The following CLIP1 variants were observed in gnomAD, a reference collection of about 807,000 sequenced individuals.
CLIP1 encodes CAP-Gly domain containing linker protein 1.
In CLIP1, 66 loss-of-function variants were observed where a neutral mutation model predicts 161.6. That is an observed-to-expected ratio of 0.41 (90% CI 0.33 to 0.50). The LOEUF is 0.50. Among genes scored for constraint, CLIP1 ranks in the 20% least tolerant of loss-of-function variants. CLIP1 has a pLI of 0.27. For synonymous variants in CLIP1, 598 were observed against 626.2 expected (o/e 0.96, Z 0.67); for missense variants, 1,376 against 1,702.0 (o/e 0.81, Z 3.37).
At chr12:122,421,646 T>C (rs1434061736) in intron 1 of CLIP1, among the ~76,000 whole-genome samples, 1 of 152,154 alleles carries the variant, frequency 6.6e-6, no homozygotes, top group Non-Finnish European at 1.5e-5. Context: ...CAACGTGTAA[T>C]TTCTTCATAC....
At chr12:122,316,459 C>T (rs1265680370) in intron 19 of CLIP1, among the ~76,000 whole-genome samples, 3 of 152,150 alleles carry the variant, frequency 2.0e-5, no homozygotes, top group African/African-American at 4.8e-5. Flanking sequence ...ATCTACCCAC[C>T]TCAGCCTCCC....
chr12:122,420,179 T>TA (rs1396730990), intron 1 of CLIP1, among the ~76,000 whole-genome samples: 2 of 151,062 alleles, frequency 1.3e-5, no homozygotes, highest in African/African-American at 4.9e-5. Flanking sequence ...CCATCTCTAC[T>TA]AAAAAAATAC....
At chr12:122,384,973 G>T (rs1439249065) in intron 1 of CLIP1, among the ~76,000 whole-genome samples, 1 of 145,980 alleles carries the variant, frequency 6.9e-6, no homozygotes, top group Admixed American at 6.9e-5. Context: ...TCGCTCTGTC[G>T]CCAGTCTGGA....
intron 3 of CLIP1, chr12:122,364,824 T>G: frequency 9.6e-7 from 1 of 1,040,862 alleles, no homozygotes; most frequent in African/African-American, 1.6e-5. Flanking sequence ...CCGATATATG[T>G]TCTCTAGGCC....
chr12:122,366,708 G>A (rs562259374), intron 3 of CLIP1, among the ~76,000 whole-genome samples: 1 of 152,246 alleles, frequency 6.6e-6, no homozygotes, highest in East Asian at 1.9e-4. Flanking sequence ...GGATGCAGTG[G>A]CACATGCCTA....
intron 3 of CLIP1, among the ~76,000 whole-genome samples, chr12:122,367,547 T>G (rs1954230237): frequency 1.3e-5 from 2 of 152,236 alleles, no homozygotes; most frequent in Admixed American, 6.5e-5. Flanking sequence ...AAGTTAGGTT[T>G]TATTTCTCAT....
At chr12:122,419,229 G>A (rs925331253) in intron 1 of CLIP1, among the ~76,000 whole-genome samples, 2 of 152,000 alleles carry the variant, frequency 1.3e-5, no homozygotes, top group Non-Finnish European at 2.9e-5. Flanking sequence ...ACATTAGCCA[G>A]GCATGTGACA....
At chr12:122,301,983 A>G (rs1321757648) in intron 20 of CLIP1, among the ~76,000 whole-genome samples, 1 of 152,168 alleles carries the variant, frequency 6.6e-6, no homozygotes, top group Non-Finnish European at 1.5e-5. Flanking sequence ...CCCTCAGAAC[A>G]GTGGATGTGG....
In CLIP1 at chr12:122,272,794, A is replaced by G; in HGVS notation, c.*81T>C. On this transcript the variant is annotated 3_prime_UTR_variant, in exon 26 of 26. Coordinates refer to ENST00000620786, the MANE Select transcript of CLIP1 (RefSeq NM_001247997.2). ...TAAAAAATAACATGAGTTCTCCTGA[A>G]GTCTGCACACACAATGCTGGTGTTA... 2 of 1,195,864 alleles carry G rather than the reference A, an allele frequency of 1.7e-6. No homozygotes were observed. The highest frequency in any genetic ancestry group is 3.5e-5 in the Admixed American group (2 of 57,546). 74.1% of individuals were successfully genotyped at this position (1,195,864 alleles called of 1,614,324 possible).
chr12:122,287,626 A>G (rs1344581186), intron 21 of CLIP1, among the ~76,000 whole-genome samples: 1 of 152,122 alleles, frequency 6.6e-6, no homozygotes, highest in African/African-American at 2.4e-5. Context: ...AAGAGCAAAG[A>G]CTTATCAGCT....
chr12:122,414,992 A>G (rs1956682359), intron 1 of CLIP1, among the ~76,000 whole-genome samples: 1 of 152,004 alleles, frequency 6.6e-6, no homozygotes, highest in Non-Finnish European at 1.5e-5. Context: ...CAGGAGGTGG[A>G]GGCTGCAGTG....
chr12:122,306,510 G>A (rs1478214414), intron 20 of CLIP1, among the ~76,000 whole-genome samples: 1 of 152,190 alleles, frequency 6.6e-6, no homozygotes, highest in East Asian at 1.9e-4. Flanking sequence ...CTCACTGTCT[G>A]TGGGAGAAGC....
chr12:122,352,870 C>A, intron 7 of CLIP1, 84 bp from the exon 8 acceptor site: 1 of 1,207,796 alleles, frequency 8.3e-7, no homozygotes, highest in Admixed American at 1.7e-5. Flanking sequence ...AACAAAAAAA[C>A]ACGTTGGGCA....
chr12:122,311,142 C>T lies in CLIP1; in HGVS notation c.3474-1260G>A, dbSNP rs576487295. On this transcript the variant is annotated intron_variant, in intron 19 of 25. Coordinates refer to ENST00000620786, the MANE Select transcript of CLIP1 (RefSeq NM_001247997.2). This position sits in a 1 kb window ranked among gnomAD's most constrained non-coding sequence, Gnocchi z 4.3. Reference sequence around the variant, plus strand: ...TATACATGCACATACACACATATCACAGTGAAAGTTCATCTGTCCAAAGTC... The same window carrying T: ...TATACATGCACATACACACATATCATAGTGAAAGTTCATCTGTCCAAAGTC... Among the ~76,000 whole-genome samples the T allele has an allele frequency of 1.1e-4, 17 of 152,252 alleles. No individual in the cohort carries two copies. Among genetic ancestry groups the T allele is most frequent in the Non-Finnish European group, 1.8e-4 (12 of 68,026 alleles).
rs761972338 is a variant in CLIP1 at position 122,288,489 on chromosome 12, CT to C, written c.3646del (p.Arg1216GlufsTer6). On this transcript the variant is annotated frameshift_variant and splice_region_variant, in exon 21 of 26. Coordinates refer to ENST00000620786, the MANE Select transcript of CLIP1 (RefSeq NM_001247997.2). LOFTEE classifies it high-confidence loss of function. ...ATACAACAATAAACAGAAAGCTTAC[CT>C]TTTTTTCATTTCTAACAACTGATTA... ...LNNQLLEMKK[R>X]ESKFIKDADE... 6.2e-7 allele frequency: 1 copy of C among 1,606,688 alleles called. No individual in the cohort carries two copies.
chr12:122,344,508 C>G lies in CLIP1; in HGVS notation c.1507-2811G>C, dbSNP rs1047354046. On this transcript the variant is annotated intron_variant, in intron 10 of 25. Coordinates refer to ENST00000620786, the MANE Select transcript of CLIP1 (RefSeq NM_001247997.2). ...GTCTGTAGCATAAATACATTAAACC[C>G]AATAGGGCAATGGTTCTTAGTTACA... Among the ~76,000 whole-genome samples, 9 of 151,088 alleles carry G rather than the reference C, an allele frequency of 6.0e-5. 1 individual carries two copies. The highest frequency in any genetic ancestry group is 1.2e-4 in the Non-Finnish European group (8 of 67,812).
chr12:122,365,497 G>A, intron 3 of CLIP1: 1 of 809,132 alleles, frequency 1.2e-6, no homozygotes, highest in Non-Finnish European at 2.2e-6. Flanking sequence ...ATCAGAAAAA[G>A]AAAGAAGCCA....
At chr12:122,378,055 G>A (rs1354250956) in intron 2 of CLIP1, 95 bp from the exon 3 acceptor site, 2 of 1,074,602 alleles carry the variant, frequency 1.9e-6, no homozygotes, top group East Asian at 2.4e-5. Flanking sequence ...GCCCACAGGA[G>A]TAGCCCAGAA....
At chr12:122,416,155 T>C (rs977392643) in intron 1 of CLIP1, among the ~76,000 whole-genome samples, 1 of 152,002 alleles carries the variant, frequency 6.6e-6, no homozygotes, top group African/African-American at 2.4e-5. Context: ...GAGAATCGCT[T>C]GAACCCGGGA....
Sources: gnomAD v4.1 joint callset for allele counts (sites outside exome capture counted in the v4.1 genomes callset) on GRCh38, gnomAD v4.1.1 for gene constraint, Gnocchi (gnomAD v3.1) non-coding constraint, MANE v1.5 for transcripts, NCBI Gene and HGNC (gene_info 2026-07-23, HGNC 2026-07-21) for gene names.